Variants in LDLRAD4 observed in about 807,000 individuals in gnomAD.
LDLRAD4 encodes low-density lipoprotein receptor class A domain-containing protein 4.
A neutral mutation model predicts 17.0 loss-of-function variants in LDLRAD4; 5 were observed. The observed-to-expected ratio is 0.29, with a 90% CI of 0.15 to 0.62. The LOEUF is 0.62. Ranked by LOEUF, LDLRAD4 falls within the 20% of genes least tolerant of loss-of-function variation. LDLRAD4 has a pLI of 0.84. For synonymous variants in LDLRAD4, 168 were observed against 171.8 expected, an observed-to-expected ratio of 0.98 and a Z score of 0.17; for missense variants, 340 against 424.7, an observed-to-expected ratio of 0.80 and a Z score of 1.75.
intron 3 of LDLRAD4, among the ~76,000 whole-genome samples, chr18:13,441,677 T>G (rs1288311740): frequency 6.6e-6 from 1 of 152,364 alleles, no homozygotes; most frequent in East Asian, 1.9e-4. Context: ...TTGCTAAATT[T>G]CAGCATGAAT....
chr18:13,394,242 A>G lies in LDLRAD4; in HGVS notation c.40+6480A>G, dbSNP rs776992614. Among the ~76,000 whole-genome samples the G allele has an allele frequency of 1.3e-5, 2 of 152,176 alleles. 1 individual carries two copies. Among genetic ancestry groups the G allele is most frequent in the South Asian group, 4.1e-4 (2 of 4,826 alleles). ...ACATATAATTTATGTTGTTATTCCCATAAGCACCAAACTCTTCTCCATTTT... is the reference window on the plus strand; with the variant it reads ...ACATATAATTTATGTTGTTATTCCCGTAAGCACCAAACTCTTCTCCATTTT... On this transcript the variant is annotated intron_variant, in intron 2 of 5. Coordinates refer to ENST00000359446, the Ensembl canonical transcript of LDLRAD4.
chr18:13,361,829 C>T (rs550331958), intron 1 of LDLRAD4, among the ~76,000 whole-genome samples: 1 of 152,258 alleles, frequency 6.6e-6, no homozygotes, highest in Admixed American at 6.5e-5. Flanking sequence ...TGCCCCCAGC[C>T]AGCCAGAGCA....
intron 3 of LDLRAD4, among the ~76,000 whole-genome samples, chr18:13,571,931 G>A (rs745851770): frequency 6.6e-6 from 1 of 152,132 alleles, no homozygotes; most frequent in Non-Finnish European, 1.5e-5. Context: ...CTACCGCACC[G>A]GGCCTATAAA....
chr18:13,298,645 CAT>C (rs2046412178), intron 1 of LDLRAD4, among the ~76,000 whole-genome samples: 2 of 151,402 alleles, frequency 1.3e-5, no homozygotes, highest in South Asian at 4.2e-4. Flanking sequence ...GATGGAGCTG[CAT>C]TGTGCATGGT....
At chr18:13,301,578 C>T (rs992041678) in intron 1 of LDLRAD4, among the ~76,000 whole-genome samples, 9 of 152,170 alleles carry the variant, frequency 5.9e-5, no homozygotes, top group Admixed American at 1.3e-4. Context: ...CGTGCAGAGA[C>T]GGAAGCTCAC....
At chr18:13,481,088 G>GAC (rs1331455499) in intron 3 of LDLRAD4, among the ~76,000 whole-genome samples, 2 of 152,238 alleles carry the variant, frequency 1.3e-5, no homozygotes, top group Non-Finnish European at 2.9e-5. Flanking sequence ...CAGACAGACA[G>GAC]ACACGCCAGT....
At chr18:13,453,162 T>G (rs997353064) in intron 3 of LDLRAD4, among the ~76,000 whole-genome samples, 1 of 152,222 alleles carries the variant, frequency 6.6e-6, no homozygotes, top group African/African-American at 2.4e-5. Context: ...ATCTTGCCCT[T>G]TGAAAACAGA....
intron 3 of LDLRAD4, among the ~76,000 whole-genome samples, chr18:13,457,313 C>T (rs79341209): frequency 0.11 from 16,289 of 152,266 alleles, 1,155 homozygotes; most frequent in African/African-American, 0.21. Flanking sequence ...TGAAGGGCTG[C>T]GTGGGGCAGG....
intron 4 of LDLRAD4, among the ~76,000 whole-genome samples, chr18:13,624,246 A>C (rs924329085): frequency 1.3e-5 from 2 of 152,142 alleles, no homozygotes; most frequent in Non-Finnish European, 2.9e-5. Flanking sequence ...GCCTGTTACC[A>C]TGAGGGGGTC....
chr18:13,640,337 T>C (rs537335520), intron 4 of LDLRAD4, among the ~76,000 whole-genome samples: 10 of 150,104 alleles, frequency 6.7e-5, no homozygotes, highest in Non-Finnish European at 1.5e-4. Flanking sequence ...ATTAGGATGA[T>C]GGGACTGTAG....
chr18:13,231,432 C>T (rs567029988), intron 1 of LDLRAD4, among the ~76,000 whole-genome samples: 135 of 152,280 alleles, frequency 8.9e-4, no homozygotes, highest in Non-Finnish European at 1.6e-3. Context: ...TGCCCGAGAT[C>T]GCGTGAGTCT....
Position 13,532,270 on chromosome 18 carries a change from G to A in LDLRAD4, c.182-88847G>A, listed in dbSNP as rs1472856635. Among the ~76,000 whole-genome samples, 3 of 152,224 alleles carry A rather than the reference G, an allele frequency of 2.0e-5. 1 individual carries two copies. In the South Asian group the frequency reaches 6.2e-4, roughly 32 times the overall value. ...GGGGCAGCGAAGCAGCCGACTTCTG[G>A]AGTATGTATTATTCCTCCCTCTGAG... is the stretch of plus-strand genomic sequence containing the variant. On this transcript the variant is annotated intron_variant, in intron 3 of 5. Coordinates refer to ENST00000359446, the Ensembl canonical transcript of LDLRAD4.
intron 4 of LDLRAD4, among the ~76,000 whole-genome samples, chr18:13,629,845 G>T (rs1332915253): frequency 6.6e-6 from 1 of 151,516 alleles, no homozygotes; most frequent in Admixed American, 6.5e-5. Context: ...CCCTGTTGGG[G>T]AGGCTCACCA....
intron 1 of LDLRAD4, among the ~76,000 whole-genome samples, chr18:13,271,734 C>T (rs1423745380): frequency 6.6e-6 from 1 of 152,098 alleles, no homozygotes; most frequent in Non-Finnish European, 1.5e-5. Context: ...TGCCTGAGCA[C>T]TTGAGCCAAG....
intron 1 of LDLRAD4, among the ~76,000 whole-genome samples, chr18:13,271,893 CTTT>C (rs753254188): frequency 3.8e-5 from 3 of 79,020 alleles, no homozygotes; most frequent in African/African-American, 5.3e-5. Context: ...CTGTTCAGTG[CTTT>C]TTTTTTTTTT....
At chr18:13,325,044 C>T (rs1441866762) in intron 1 of LDLRAD4, among the ~76,000 whole-genome samples, 5 of 152,080 alleles carry the variant, frequency 3.3e-5, no homozygotes, top group Non-Finnish European at 7.4e-5. Flanking sequence ...TGTCTCAGGG[C>T]GGCAGAGGGA....
rs150352287 is a variant in LDLRAD4 at position 13,314,543 on chromosome 18, G to A, written c.-383+36355G>A. 1.7e-3 allele frequency among the ~76,000 whole-genome samples: 255 copies of A among 152,326 alleles called. 2 individuals are homozygous for A. Among genetic ancestry groups the A allele is most frequent in the African/African-American group, 5.9e-3 (246 of 41,564 alleles). ...AAAAGAAAGGTGGCCAACACTGGAGGGACCAGGTCCTGAAGAGGAGGGAAG... is the reference window on the plus strand; with the variant it reads ...AAAAGAAAGGTGGCCAACACTGGAGAGACCAGGTCCTGAAGAGGAGGGAAG... On this transcript the variant is annotated intron_variant, in intron 1 of 5. Coordinates refer to ENST00000359446, the Ensembl canonical transcript of LDLRAD4.
At chr18:13,223,331 T>C (rs190779032) in intron 1 of LDLRAD4, among the ~76,000 whole-genome samples, 3 of 152,358 alleles carry the variant, frequency 2.0e-5, no homozygotes, top group Admixed American at 2.0e-4. Context: ...CCACTCACAC[T>C]GGCTAGCCAT....
At chr18:13,342,484 T>A (rs952485073) in intron 1 of LDLRAD4, among the ~76,000 whole-genome samples, 9 of 146,010 alleles carry the variant, frequency 6.2e-5, no homozygotes, top group African/African-American at 2.0e-4. Flanking sequence ...TGTCTTTTTT[T>A]TTTTTTTTTT....
Sources: gnomAD v4.1 joint callset for allele counts (sites outside exome capture counted in the v4.1 genomes callset) on GRCh38, gnomAD v4.1.1 for gene constraint, MANE v1.5 for transcripts, NCBI Gene and HGNC (gene_info 2026-07-23, HGNC 2026-07-21) for gene names.